B4GALT6: variants seen among roughly 807,000 people sequenced by gnomAD.
B4GALT6 encodes UDP-Gal:beta-GlcNAc beta-1,4-galactosyltransferase 6.
B4GALT6 carries 14 observed loss-of-function variants against 46.3 expected under a neutral mutation model. The observed-to-expected ratio is 0.30, with a 90% CI of 0.20 to 0.47. B4GALT6 has a LOEUF of 0.47. Ranked by LOEUF, B4GALT6 falls within the 20% of genes least tolerant of loss-of-function variation. B4GALT6 has a pLI of 0.99. For missense variants in B4GALT6, 386 were observed against 480.1 expected, an observed-to-expected ratio of 0.80 and a Z score of 1.83; for synonymous variants, 168 against 162.0, an observed-to-expected ratio of 1.04 and a Z score of -0.28.
At chr18:31,691,626 A>G in the B4GALT6 span, among the ~76,000 whole-genome samples, 1 of 152,122 alleles carries the variant, frequency 6.6e-6, no homozygotes, top group Non-Finnish European at 1.5e-5. Context: ...ATCATATTTA[A>G]TGTCATAAGG....
intron 1 of B4GALT6, among the ~76,000 whole-genome samples, chr18:31,673,208 A>T (rs1184311952): frequency 6.6e-6 from 1 of 152,154 alleles, no homozygotes; most frequent in East Asian, 1.9e-4. Context: ...GGGAATGACA[A>T]TCTGCCCTGA....
the B4GALT6 span, among the ~76,000 whole-genome samples, chr18:31,695,891 G>A: frequency 1.3e-5 from 2 of 152,114 alleles, no homozygotes; most frequent in Admixed American, 6.5e-5. Context: ...AACTCCATTC[G>A]AAGCAGAAAT....
the B4GALT6 span, chr18:31,724,588 C>T: frequency 9.4e-7 from 1 of 1,063,418 alleles, no homozygotes; most frequent in Non-Finnish European, 1.1e-6. Context: ...GACACGGATT[C>T]AGCTGGAGAG....
the B4GALT6 span, among the ~76,000 whole-genome samples, chr18:31,709,866 G>A: frequency 6.6e-6 from 1 of 151,950 alleles, no homozygotes; most frequent in South Asian, 2.1e-4. Context: ...GCCAAGGCAG[G>A]CCGATCATCT....
Position 31,666,376 on chromosome 18 carries a change from T to A in B4GALT6, c.116-4A>T. 6.8e-7 allele frequency: 1 copy of A among 1,475,606 alleles called. No homozygotes were observed. The highest frequency in any genetic ancestry group is 9.3e-7 in the Non-Finnish European group (1 of 1,072,692). 91.4% of individuals were successfully genotyped at this position (1,475,606 alleles called of 1,614,324 possible). On this transcript the variant is annotated splice_region_variant and splice_polypyrimidine_tract_variant and intron_variant, in intron 1 of 8. Transcript: ENST00000306851. ...ACCATAAAGAGATATGTGTTGGCTA[T>A]AAAAGAAAAATAGAGAAAGAATGTC...
At chr18:31,638,578 A>G in intron 5 of B4GALT6, 66 bp downstream of exon 5, 1 of 1,266,316 alleles carries the variant, frequency 7.9e-7, no homozygotes. Flanking sequence ...AAATATGTTT[A>G]ATCTAACCAT....
At chr18:31,684,041 C>T (rs930351375) in intron 1 of B4GALT6, among the ~76,000 whole-genome samples, 1 of 152,156 alleles carries the variant, frequency 6.6e-6, no homozygotes, top group Non-Finnish European at 1.5e-5. Flanking sequence ...TAGGGCATCC[C>T]GGGCCATCAC....
intron 2 of B4GALT6, 93 bp downstream of exon 2, chr18:31,666,163 T>C: frequency 1.6e-6 from 1 of 622,338 alleles, no homozygotes; most frequent in Admixed American, 2.7e-5. Context: ...CTTCTTCATC[T>C]TTAACAGGAA....
chr18:31,636,341 T>C (rs1490512317), intron 5 of B4GALT6, among the ~76,000 whole-genome samples: 3 of 152,198 alleles, frequency 2.0e-5, no homozygotes, highest in Non-Finnish European at 2.9e-5. Flanking sequence ...AGGCAAGCCA[T>C]AGACTATATT....
In B4GALT6 at chr18:31,672,209, C is replaced by A. The variant is rs999022676; in HGVS notation, c.116-5837G>T. On this transcript the variant is annotated intron_variant, in intron 1 of 8. Transcript: ENST00000306851. The stretch of plus-strand genomic sequence containing the variant: ...GTGATCCTGATATCTCTGTTCCTAG[C>A]TGCTATGACATGCTGCCACAGTTCC... Among the ~76,000 whole-genome samples the A allele has an allele frequency of 3.3e-5, 5 of 152,314 alleles. No homozygotes were observed. The South Asian group carries it at 8.3e-4, about 25-fold the overall frequency.
In B4GALT6 at chr18:31,623,477, A is replaced by C. The variant is rs188185106; in HGVS notation, c.*2137T>G. ...ACTAGTAGTACTAAGTTTTCTTGAA[A>C]CTGTAAAATATATATAAAAATGAAA... On this transcript the variant is annotated 3_prime_UTR_variant, in exon 9 of 9. Coordinates refer to ENST00000306851, the MANE Select transcript of B4GALT6 (RefSeq NM_004775.5). 1 of 152,566 alleles carries C rather than the reference A, an allele frequency of 6.6e-6. No individual in the cohort carries two copies. Among genetic ancestry groups the C allele is most frequent in the Non-Finnish European group, 1.5e-5 (1 of 67,884 alleles). 9.5% of individuals were successfully genotyped at this position (152,566 alleles called of 1,614,324 possible).
upstream of B4GALT6, among the ~76,000 whole-genome samples, chr18:31,685,423 G>A (rs1013300945): frequency 2.0e-5 from 3 of 151,452 alleles, no homozygotes; most frequent in Admixed American, 6.6e-5. Context: ...GGACCGGCGG[G>A]AACGTCTCGA....
intron 1 of B4GALT6, among the ~76,000 whole-genome samples, chr18:31,672,734 A>C (rs1005956837): frequency 1.3e-5 from 2 of 152,204 alleles, no homozygotes; most frequent in African/African-American, 4.8e-5. Flanking sequence ...TTTTCAGATA[A>C]AGAAATTGAA....
chr18:31,634,766 G>C (rs776131901), intron 5 of B4GALT6, among the ~76,000 whole-genome samples: 1 of 152,186 alleles, frequency 6.6e-6, no homozygotes, highest in Non-Finnish European at 1.5e-5. Context: ...TTCAAATATG[G>C]TGAAGATGTT....
chr18:31,691,784 G>A, the B4GALT6 span, among the ~76,000 whole-genome samples: 3 of 152,098 alleles, frequency 2.0e-5, no homozygotes, highest in Non-Finnish European at 2.9e-5. Context: ...TGTCTGAAAT[G>A]TTTCTGTGTC....
the B4GALT6 span, among the ~76,000 whole-genome samples, chr18:31,708,396 C>T: frequency 2.0e-5 from 3 of 152,216 alleles, no homozygotes; most frequent in Admixed American, 6.5e-5. Context: ...GAAACACCAC[C>T]TCTACTAAAA....
chr18:31,675,284 T>C (rs1199147309), intron 1 of B4GALT6, among the ~76,000 whole-genome samples: 4 of 152,232 alleles, frequency 2.6e-5, no homozygotes, highest in Non-Finnish European at 5.9e-5. Context: ...CTAAAAATGT[T>C]CAGGGTGGAA....
At chr18:31,663,402 G>A (rs1461055993) in intron 2 of B4GALT6, among the ~76,000 whole-genome samples, 1 of 152,146 alleles carries the variant, frequency 6.6e-6, no homozygotes, top group African/African-American at 2.4e-5. Flanking sequence ...ATCTGCTTCA[G>A]TAATTAGATG....
intron 3 of B4GALT6, among the ~76,000 whole-genome samples, chr18:31,648,569 T>C (rs949836586): frequency 1.3e-5 from 2 of 152,222 alleles, no homozygotes; most frequent in African/African-American, 4.8e-5. Context: ...ATTGGTTATG[T>C]AGGACATTTA....
Sources: gnomAD v4.1 joint callset for allele counts (sites outside exome capture counted in the v4.1 genomes callset) on GRCh38, gnomAD v4.1.1 for gene constraint, MANE v1.5 for transcripts, NCBI Gene and HGNC (gene_info 2026-07-23, HGNC 2026-07-21) for gene names.